RORA: variants seen among roughly 807,000 people sequenced by gnomAD.
The protein encoded by RORA is nuclear receptor ROR-alpha.
RORA carries 7 observed loss-of-function variants against 69.5 expected under a neutral mutation model. The observed-to-expected ratio is 0.10, with a 90% CI of 0.06 to 0.19. The LOEUF (loss-of-function observed/expected upper bound fraction) is 0.19. RORA is among the 10% of genes least tolerant of loss of function. The probability of loss-of-function intolerance (pLI) is 1.00; values close to 1 mark genes in which losing one functional copy is unlikely to be tolerated. For missense variants in RORA, 457 were observed against 663.0 expected (o/e 0.69, Z 3.41); for synonymous variants, 261 against 240.8 (o/e 1.08, Z -0.78).
chr15:60,999,672 G>A (rs1894685415), intron 1 of RORA, among the ~76,000 whole-genome samples: 1 of 152,160 alleles, frequency 6.6e-6, no homozygotes, highest in Non-Finnish European at 1.5e-5. Flanking sequence ...TGTGTGCTGG[G>A]GGCTCAGCCT....
chr15:60,634,578 T>C (rs2069802636), intron 2 of RORA, among the ~76,000 whole-genome samples: 1 of 147,506 alleles, frequency 6.8e-6, no homozygotes. Context: ...CTAATTTTTG[T>C]GTTTTTAGTA....
intron 1 of RORA, among the ~76,000 whole-genome samples, chr15:60,715,187 C>G (rs1032506467): frequency 1.3e-5 from 2 of 152,168 alleles, no homozygotes; most frequent in African/African-American, 2.4e-5. Flanking sequence ...TTGGCCATAC[C>G]TCCCAATGTG....
Position 60,496,153 on chromosome 15 carries a change from A to T in RORA, c.*1302T>A, listed in dbSNP as rs1014192887. The T allele has an allele frequency of 6.6e-6, 1 of 152,214 alleles. No homozygotes were observed. Among genetic ancestry groups the T allele is most frequent in the African/African-American group, 2.4e-5 (1 of 41,456 alleles). 9.4% of individuals were successfully genotyped at this position (152,214 alleles called of 1,614,324 possible). On this transcript the variant is annotated 3_prime_UTR_variant, in exon 11 of 11. Transcript: ENST00000335670. The surrounding 1 kb of genome is among the most constrained non-coding windows in gnomAD (Gnocchi z 4.5). ...TCTTGAATTATAGCATCTATTGACA[A>T]CAAATCTAGAATTAGTTCACTCTGA...
chr15:60,948,921 G>C (rs1022662366), intron 1 of RORA, among the ~76,000 whole-genome samples: 1 of 152,240 alleles, frequency 6.6e-6, no homozygotes, highest in African/African-American at 2.4e-5. Flanking sequence ...AGCTGGAATT[G>C]TCAAGGAGTT....
chr15:61,007,024 G>A lies in RORA; in HGVS notation c.166+222029C>T, dbSNP rs570646898. ...CATTTGTGGTTAAGAGGTCATGCCA[G>A]TTTACTCATCTCTCCATTTACAAGC... On this transcript the variant is annotated intron_variant, in intron 1 of 10. Coordinates refer to ENST00000335670, the MANE Select transcript of RORA (RefSeq NM_134261.3). 1.2e-4 allele frequency among the ~76,000 whole-genome samples: 18 copies of A among 152,042 alleles called. 1 individual carries two copies. The highest frequency in any genetic ancestry group is 3.4e-3 in the Middle Eastern group (1 of 294).
chr15:60,574,930 G>T (rs16942772), intron 2 of RORA, among the ~76,000 whole-genome samples: 7,589 of 151,956 alleles, frequency 0.05, 245 homozygotes, highest in East Asian at 0.14. Context: ...TGTGTCACCC[G>T]GAAGAGCCAG....
chr15:60,814,572 A>AG (rs1201553460), intron 1 of RORA, among the ~76,000 whole-genome samples: 1 of 152,176 alleles, frequency 6.6e-6, no homozygotes, highest in African/African-American at 2.4e-5. Context: ...CTTGAATCCA[A>AG]GCCGAAGAAA....
intron 1 of RORA, among the ~76,000 whole-genome samples, chr15:60,760,010 A>T (rs2071863014): frequency 6.6e-6 from 1 of 152,162 alleles, no homozygotes; most frequent in African/African-American, 2.4e-5. Context: ...CATAACCTTG[A>T]AGTATATGTG....
At chr15:61,056,620 T>G (rs1458980802) in intron 1 of RORA, among the ~76,000 whole-genome samples, 1 of 152,184 alleles carries the variant, frequency 6.6e-6, no homozygotes, top group Non-Finnish European at 1.5e-5. Flanking sequence ...GGTGTTTTTG[T>G]CATCTAAACA....
At chr15:61,175,132 T>G (rs189620191) in intron 1 of RORA, among the ~76,000 whole-genome samples, 1 of 152,234 alleles carries the variant, frequency 6.6e-6, no homozygotes, top group Non-Finnish European at 1.5e-5. Flanking sequence ...TCAGCAGTAA[T>G]GGCTTTGCAT....
At chr15:61,058,520 T>C (rs375806142) in intron 1 of RORA, among the ~76,000 whole-genome samples, 1 of 152,088 alleles carries the variant, frequency 6.6e-6, no homozygotes, top group African/African-American at 2.4e-5. Flanking sequence ...TTCAGGTCTG[T>C]GATAGAAGTA....
chr15:60,709,987 G>C (rs1191209305), intron 1 of RORA, among the ~76,000 whole-genome samples: 3 of 152,056 alleles, frequency 2.0e-5, no homozygotes, highest in African/African-American at 7.2e-5. Context: ...GGTGGGGGCT[G>C]AAAGTTCTGC....
At chr15:60,743,055 C>G (rs1053450177) in intron 1 of RORA, among the ~76,000 whole-genome samples, 2 of 138,502 alleles carry the variant, frequency 1.4e-5, no homozygotes, top group Non-Finnish European at 3.1e-5. Context: ...CACTTTGTCA[C>G]CCAGGCTGGA....
chr15:60,857,015 A>C (rs2073387187), intron 1 of RORA, among the ~76,000 whole-genome samples: 1 of 152,244 alleles, frequency 6.6e-6, no homozygotes, highest in South Asian at 2.1e-4. Context: ...ATGAGCACAG[A>C]GGAAGCCATC....
intron 2 of RORA, among the ~76,000 whole-genome samples, chr15:60,575,218 G>A (rs1282718365): frequency 6.6e-6 from 1 of 152,162 alleles, no homozygotes; most frequent in Non-Finnish European, 1.5e-5. Context: ...TATTCCTATA[G>A]CAACGTCACC....
intron 1 of RORA, among the ~76,000 whole-genome samples, chr15:60,989,513 A>C (rs1894307550): frequency 6.6e-6 from 1 of 152,188 alleles, no homozygotes; most frequent in African/African-American, 2.4e-5. Context: ...ATTATGAATA[A>C]TGCTGCTCTA....
intron 2 of RORA, among the ~76,000 whole-genome samples, chr15:60,633,920 C>T (rs2069786766): frequency 6.6e-6 from 1 of 152,188 alleles, no homozygotes; most frequent in Non-Finnish European, 1.5e-5. Context: ...ATTTCATATG[C>T]TGCAGAGAGA....
At position 61,126,900 on chromosome 15, in the gene RORA, A is replaced by T. The variant is rs545636273; in HGVS notation, c.166+102153T>A. 2.0e-5 allele frequency among the ~76,000 whole-genome samples: 3 copies of T among 152,358 alleles called. No individual in the cohort carries two copies. The South Asian group carries it at 6.2e-4, about 32-fold the overall frequency. ...CTTAGGTTGTTAAGTCAATAAACTA[A>T]GGCAAACAACACTGCATGCATTTTA... On this transcript the variant is annotated intron_variant, in intron 1 of 10. Transcript: ENST00000335670.
chr15:60,762,033 A>C (rs1186926013), intron 1 of RORA, among the ~76,000 whole-genome samples: 1 of 152,226 alleles, frequency 6.6e-6, no homozygotes, highest in Non-Finnish European at 1.5e-5. Context: ...TTAAAAACCC[A>C]GGTGTCTAAA....
Sources: gnomAD v4.1 joint callset for allele counts (sites outside exome capture counted in the v4.1 genomes callset) on GRCh38, gnomAD v4.1.1 for gene constraint, Gnocchi (gnomAD v3.1) non-coding constraint, MANE v1.5 for transcripts, NCBI Gene and HGNC (gene_info 2026-07-23, HGNC 2026-07-21) for gene names.